Variants in HAO2 observed in about 807,000 individuals in gnomAD.
The protein encoded by HAO2 is 2-Hydroxyacid oxidase 2.
In HAO2, 42 loss-of-function variants were observed where a neutral mutation model predicts 37.4. The ratio of observed to expected loss-of-function variants is 1.12; its 90% confidence interval spans 0.88 to 1.45. The LOEUF (loss-of-function observed/expected upper bound fraction) is 1.45, where lower values mean the gene tolerates loss of function less well. Ranked by LOEUF, HAO2 falls within the 40% of genes most tolerant of loss-of-function variation. HAO2 has a pLI of 0.00. For synonymous variants in HAO2, 180 were observed against 162.8 expected (o/e 1.11, Z -0.81); for missense variants, 476 against 430.2 (o/e 1.11, Z -0.94).
At chr1:119,384,676 C>T in intron 3 of HAO2, 100 bp from the exon 4 acceptor site, 1 of 911,526 alleles carries the variant, frequency 1.1e-6, no homozygotes, top group Non-Finnish European at 1.7e-6. Context: ...TATCTGCATT[C>T]ATGGGGCAAG....
In HAO2 at chr1:119,386,771, T is replaced by C. The variant is rs752327407; in HGVS notation, c.711T>C (p.Asn237=). The C allele has an allele frequency of 5.6e-6, 9 of 1,613,908 alleles. 1 individual carries two copies. In the East Asian group the frequency reaches 1.8e-4, roughly 32 times the overall value. Residue 237 remains asparagine, a synonymous_variant, in exon 5 of 8, where the codon AAT becomes AAC. Transcript: ENST00000325945. ...ATGCAGAGTTAGCTGTGAAGCACAA[T>C]GTCCAGGGTATCATTGTTTCCAACC... The part of the protein sequence containing the change: ...KEDAELAVKH[N]VQGIIVSNHG...
At chr1:119,373,263 T>A (rs1237585571) in intron 1 of HAO2, among the ~76,000 whole-genome samples, 3 of 152,160 alleles carry the variant, frequency 2.0e-5, no homozygotes, top group Non-Finnish European at 2.9e-5. Context: ...TAAAATCTAG[T>A]GTAGATGAGT....
At chr1:119,392,897 G>A (rs750804524) in intron 7 of HAO2, among the ~76,000 whole-genome samples, 56 of 152,206 alleles carry the variant, frequency 3.7e-4, no homozygotes, top group Admixed American at 5.9e-4. Context: ...GCTCTGGGGA[G>A]TGTCACCTCT....
rs745498252 is a variant in HAO2 at position 119,384,986 on chromosome 1, G to A, written c.494G>A (p.Arg165Lys). 6.2e-7 allele frequency: 1 copy of A among 1,613,802 alleles called. No homozygotes were observed. The highest frequency in any genetic ancestry group is 8.5e-7 in the Non-Finnish European group (1 of 1,179,852). ...TTGGATACACCTGTATGTGGCAACA[G>A]GCGACATGACATTCGAAACCAGTTG... is the stretch of plus-strand genomic sequence containing the variant. Reference protein sequence around the residue: ...ITLDTPVCGNRRHDIRNQLRR... With the variant: ...ITLDTPVCGNKRHDIRNQLRR... The change falls in exon 4 of 8, where the codon AGG becomes AAG. Residue 165 changes from arginine (R) to lysine (K), a missense_variant. Transcript: ENST00000325945.
intron 1 of HAO2, among the ~76,000 whole-genome samples, chr1:119,379,396 A>T (rs1429584898): frequency 1.3e-5 from 2 of 152,210 alleles, no homozygotes; most frequent in African/African-American, 4.8e-5. Flanking sequence ...CCAGACACCA[A>T]CCAAGGTCCA....
chr1:119,394,001 C>G lies in HAO2; in HGVS notation c.*161C>G. On this transcript the variant is annotated 3_prime_UTR_variant, in exon 8 of 8. Coordinates refer to ENST00000325945, the MANE Select transcript of HAO2 (RefSeq NM_016527.4). ...TACCACCACCCCTGTGCTTCAGGCC[C>G]TCCAAACCCCTGTGTTCCCCAAATG... The G allele has an allele frequency of 6.9e-7, 1 of 1,454,078 alleles. No homozygotes were observed. Among genetic ancestry groups the G allele is most frequent in the Non-Finnish European group, 9.1e-7 (1 of 1,095,812 alleles). 90.1% of individuals were successfully genotyped at this position (1,454,078 alleles called of 1,614,324 possible).
At chr1:119,382,311 C>T (rs765935416) in intron 2 of HAO2, among the ~76,000 whole-genome samples, 1 of 152,144 alleles carries the variant, frequency 6.6e-6, no homozygotes, top group Admixed American at 6.5e-5. Flanking sequence ...ATCTTAGACA[C>T]CTGAGGCTAA....
At chr1:119,386,261 T>A (rs1650369784) in intron 4 of HAO2, among the ~76,000 whole-genome samples, 2 of 152,196 alleles carry the variant, frequency 1.3e-5, no homozygotes, top group African/African-American at 4.8e-5. Flanking sequence ...TCAGCCAGGC[T>A]AGTATGTGGT....
chr1:119,384,442 A>T (rs1296495264), intron 3 of HAO2, among the ~76,000 whole-genome samples: 1 of 152,102 alleles, frequency 6.6e-6, no homozygotes, highest in African/African-American at 2.4e-5. Flanking sequence ...CTTCTGCTTC[A>T]TTAAGGAGTT....
chr1:119,382,791 A>G (rs587626276), intron 2 of HAO2, 124 bp from the exon 3 acceptor site: 11 of 842,114 alleles, frequency 1.3e-5, no homozygotes, highest in South Asian at 5.2e-5. Flanking sequence ...TGAACCCACC[A>G]AGGTTCCACA....
rs774330119 is a variant in HAO2 at position 119,392,585 on chromosome 1, CT to C, written c.931-30del. 2.8e-4 allele frequency: 405 copies of C among 1,444,924 alleles called. 1 individual carries two copies. Among genetic ancestry groups the C allele is most frequent in the Non-Finnish European group, 3.8e-4 (392 of 1,026,252 alleles). 89.5% of individuals were successfully genotyped at this position (1,444,924 alleles called of 1,614,324 possible). On this transcript the variant is annotated intron_variant, in intron 6 of 7. Transcript: ENST00000325945. ...ATGGTCAGAATGTTCCTTTATGTCTCTTTGTGTCTCTGTCTGTCTGCCTCGG... is the reference window on the plus strand; with the variant it reads ...ATGGTCAGAATGTTCCTTTATGTCTCTTGTGTCTCTGTCTGTCTGCCTCGG...
intron 7 of HAO2, among the ~76,000 whole-genome samples, chr1:119,393,302 C>G (rs1325290609): frequency 6.6e-6 from 1 of 152,108 alleles, no homozygotes; most frequent in Non-Finnish European, 1.5e-5. Context: ...CCAATCTGAG[C>G]TACAGTCATA....
intron 5 of HAO2, among the ~76,000 whole-genome samples, chr1:119,387,553 A>G (rs1650487063): frequency 6.6e-6 from 1 of 152,202 alleles, no homozygotes; most frequent in African/African-American, 2.4e-5. Context: ...ATTAACACTA[A>G]TTTTATCACT....
At chr1:119,392,080 C>T (rs1005188594) in intron 5 of HAO2, 30 bp from the exon 6 acceptor site, 53 of 1,576,924 alleles carry the variant, frequency 3.4e-5, no homozygotes, top group Non-Finnish European at 4.3e-5. Flanking sequence ...AAATAGAAAG[C>T]CCTCCAGCCC....
intron 3 of HAO2, among the ~76,000 whole-genome samples, chr1:119,383,388 C>T (rs587595362): frequency 7.9e-5 from 12 of 152,206 alleles, no homozygotes; most frequent in South Asian, 4.1e-4. Context: ...GGATGCTTAA[C>T]GCAGCCCCAA....
chr1:119,384,324 G>T (rs1452912304), intron 3 of HAO2, among the ~76,000 whole-genome samples: 1 of 152,146 alleles, frequency 6.6e-6, no homozygotes, highest in Non-Finnish European at 1.5e-5. Context: ...AGCAAAGAAG[G>T]GGTAGAACTA....
At chr1:119,392,062 G>C (rs376886795) in intron 5 of HAO2, 48 bp from the exon 6 acceptor site, 168 of 1,536,142 alleles carry the variant, frequency 1.1e-4, no homozygotes, top group Admixed American at 2.1e-4. Context: ...GACCAAGTCT[G>C]AGAGTCAAAA....
In HAO2 at chr1:119,392,598, T is replaced by G; in HGVS notation, c.931-20T>G. 1 of 1,553,358 alleles carries G rather than the reference T, an allele frequency of 6.4e-7. No homozygotes were observed. On this transcript the variant is annotated intron_variant, in intron 6 of 7. Coordinates refer to ENST00000325945, the MANE Select transcript of HAO2 (RefSeq NM_016527.4). ...TCCTTTATGTCTCTTTGTGTCTCTG[T>G]CTGTCTGCCTCGGGAGCAGGGTGAA...
At chr1:119,390,094 C>A (rs1189249420) in intron 5 of HAO2, among the ~76,000 whole-genome samples, 1 of 152,104 alleles carries the variant, frequency 6.6e-6, no homozygotes, top group African/African-American at 2.4e-5. Context: ...GATCAGTTGG[C>A]TGTAAGTATT....
Sources: gnomAD v4.1 joint callset for allele counts (sites outside exome capture counted in the v4.1 genomes callset) on GRCh38, gnomAD v4.1.1 for gene constraint, MANE v1.5 for transcripts, NCBI Gene and HGNC (gene_info 2026-07-23, HGNC 2026-07-21) for gene names.